Variants in CNTN6 observed in about 807,000 individuals in gnomAD.
The protein encoded by CNTN6 is contactin-6.
CNTN6 carries 137 observed loss-of-function variants against 122.8 expected under a neutral mutation model. The observed-to-expected ratio is 1.12, with a 90% CI of 0.97 to 1.29. The LOEUF (loss-of-function observed/expected upper bound fraction) is 1.29. CNTN6 is among the 50% of genes most tolerant of loss of function. CNTN6 has a pLI of 0.00. For missense variants in CNTN6, 1,634 were observed against 1,223.4 expected (o/e 1.34, Z -5.01); for synonymous variants, 570 against 426.0 (o/e 1.34, Z -4.16).
intron 11 of CNTN6, among the ~76,000 whole-genome samples, chr3:1,338,961 G>A (rs1326660877): frequency 6.6e-6 from 1 of 151,878 alleles, no homozygotes; most frequent in Admixed American, 6.6e-5. Context: ...AAAAAGCATT[G>A]CTGTCTATGA....
At chr3:1,280,458 A>G (rs1433245977) in intron 5 of CNTN6, among the ~76,000 whole-genome samples, 1 of 32,792 alleles carries the variant, frequency 3.0e-5, no homozygotes, top group Non-Finnish European at 6.9e-5. Flanking sequence ...GTGTAATACC[A>G]ATTTTTTTTT....
rs1442915946 is a variant in CNTN6, at chr3:1,305,378, C to T, written c.761+7387C>T. Among the ~76,000 whole-genome samples, 5 of 152,290 alleles carry T rather than the reference C, an allele frequency of 3.3e-5. No homozygotes were observed. The South Asian group carries it at 6.2e-4, about 19-fold the overall frequency. On this transcript the variant is annotated intron_variant, in intron 7 of 22. Transcript: ENST00000446702. ...TATGACTTTGGGGATATGTAACTGA[C>T]TTCCTTTGTTGGAGTTTCAGAGCTG...
intron 20 of CNTN6, among the ~76,000 whole-genome samples, chr3:1,391,479 C>G (rs1576057009): frequency 2.6e-5 from 2 of 75,694 alleles, no homozygotes; most frequent in South Asian, 1.2e-3. Flanking sequence ...GAAGCATTCC[C>G]TTTGAAAACT....
At chr3:1,283,612 A>G (rs1693839570) in intron 5 of CNTN6, among the ~76,000 whole-genome samples, 1 of 152,226 alleles carries the variant, frequency 6.6e-6, no homozygotes, top group African/African-American at 2.4e-5. Flanking sequence ...GCAACGATAC[A>G]TGTTATCTAC....
chr3:1,341,820 C>T (rs565449743), intron 11 of CNTN6, among the ~76,000 whole-genome samples: 22 of 152,130 alleles, frequency 1.4e-4, no homozygotes, highest in Admixed American at 9.2e-4. Flanking sequence ...CCAGTAATTA[C>T]GCACTAGTTG....
chr3:1,320,603 A>G (rs115459538), intron 7 of CNTN6, among the ~76,000 whole-genome samples: 1 of 151,880 alleles, frequency 6.6e-6, no homozygotes, highest in African/African-American at 2.4e-5. Flanking sequence ...AATTTGAAAT[A>G]TAATTAGAAT....
In CNTN6 at chr3:1,297,930, C is replaced by A. The variant is rs267599602; in HGVS notation, c.700C>A (p.Pro234Thr). 6.2e-7 allele frequency: 1 copy of A among 1,612,678 alleles called. No homozygotes were observed. Among genetic ancestry groups the A allele is most frequent in the South Asian group, 1.1e-5 (1 of 90,432 alleles). Residue 234 changes from proline (P) to threonine (T), a missense_variant, in exon 7 of 23, where the codon CCT becomes ACT. Transcript: ENST00000446702. ...EYEPKIEVRF[P>T]ETIQAAKDSS... Reference sequence around the variant, plus strand: ...TGAACCAAAGATTGAAGTGCGTTTTCCTGAAACTATACAAGCTGCAAAGGA... The same window carrying A: ...TGAACCAAAGATTGAAGTGCGTTTTACTGAAACTATACAAGCTGCAAAGGA...
At chr3:1,247,939 G>C (rs2094605189) in intron 4 of CNTN6, among the ~76,000 whole-genome samples, 1 of 152,118 alleles carries the variant, frequency 6.6e-6, no homozygotes, top group South Asian at 2.1e-4. Context: ...GACTGTAGCT[G>C]TTACAAGAGC....
intron 4 of CNTN6, among the ~76,000 whole-genome samples, chr3:1,263,048 TATTTC>T (rs923606944): frequency 2.2e-4 from 33 of 152,322 alleles, no homozygotes; most frequent in South Asian, 4.1e-4. Flanking sequence ...ACAAGTTACT[TATTTC>T]ATTTAAGTCT....
chr3:1,143,148 G>A (rs2092651255), intron 1 of CNTN6, among the ~76,000 whole-genome samples: 4 of 151,716 alleles, frequency 2.6e-5, no homozygotes, highest in Non-Finnish European at 1.5e-5. Context: ...ACAGTTCTCT[G>A]CCACCAAATA....
chr3:1,223,708 AG>A (rs2094240042), intron 3 of CNTN6, among the ~76,000 whole-genome samples: 5 of 152,216 alleles, frequency 3.3e-5, no homozygotes, highest in Admixed American at 3.3e-4. Flanking sequence ...ATCAGAAAAA[AG>A]GATTTCTGAC....
chr3:1,193,689 T>C (rs2093734481), intron 2 of CNTN6, among the ~76,000 whole-genome samples: 1 of 152,132 alleles, frequency 6.6e-6, no homozygotes, highest in Non-Finnish European at 1.5e-5. Flanking sequence ...GTAGTTTCAT[T>C]TGTTTTATAA....
chr3:1,378,433 T>G (rs1710194639), intron 17 of CNTN6, among the ~76,000 whole-genome samples: 1 of 152,152 alleles, frequency 6.6e-6, no homozygotes, highest in South Asian at 2.1e-4. Context: ...TAAATGACAG[T>G]GTCAGAAACT....
At position 1,220,783 on chromosome 3, in the gene CNTN6, CT is replaced by C. The variant is rs764641433; in HGVS notation, c.153del (p.Ala52LeufsTer22). The C allele has an allele frequency of 6.2e-7, 1 of 1,611,866 alleles. No individual in the cohort carries two copies. Among genetic ancestry groups the C allele is most frequent in the South Asian group, 1.1e-5 (1 of 90,748 alleles). ...LSKSEVILNC[A>X]ANGYPSPHYR... ...AAATCTGAGGTCATCCTGAATTGTG[CT>C]GCTAATGGTTACCCTTCGCCTCATT... On this transcript the variant is annotated frameshift_variant, in exon 3 of 23. Coordinates refer to ENST00000446702, the MANE Select transcript of CNTN6 (RefSeq NM_001289080.2). LOFTEE classifies it high-confidence loss of function.
At chr3:1,356,818 A>C (rs1706627057) in intron 12 of CNTN6, among the ~76,000 whole-genome samples, 1 of 151,880 alleles carries the variant, frequency 6.6e-6, no homozygotes, top group African/African-American at 2.4e-5. Context: ...AAGGTGAGAA[A>C]ATATATAAGG....
intron 7 of CNTN6, among the ~76,000 whole-genome samples, chr3:1,315,519 A>G (rs1699973264): frequency 6.6e-6 from 1 of 152,066 alleles, no homozygotes; most frequent in African/African-American, 2.4e-5. Flanking sequence ...CATTGTTAGC[A>G]GCTGCAAGCT....
intron 2 of CNTN6, among the ~76,000 whole-genome samples, 166 bp downstream of exon 2, chr3:1,148,229 C>T (rs901904074): frequency 1.3e-5 from 2 of 151,838 alleles, no homozygotes; most frequent in African/African-American, 4.8e-5. Flanking sequence ...AAAGTTTAAT[C>T]CTTAAAAATG....
chr3:1,259,191 T>C (rs188125024), intron 4 of CNTN6, among the ~76,000 whole-genome samples: 1 of 145,776 alleles, frequency 6.9e-6, no homozygotes, highest in East Asian at 1.9e-4. Context: ...TCATTTCTCA[T>C]ATTATTTACT....
At chr3:1,359,489 A>G (rs1344841656) in intron 12 of CNTN6, among the ~76,000 whole-genome samples, 3 of 152,020 alleles carry the variant, frequency 2.0e-5, no homozygotes, top group African/African-American at 7.2e-5. Flanking sequence ...TTTATTCCAA[A>G]CCATTTAAAT....
Sources: gnomAD v4.1 joint callset for allele counts (sites outside exome capture counted in the v4.1 genomes callset) on GRCh38, gnomAD v4.1.1 for gene constraint, MANE v1.5 for transcripts, NCBI Gene and HGNC (gene_info 2026-07-23, HGNC 2026-07-21) for gene names.